The following AKAP13 variants were observed in gnomAD, a reference collection of about 807,000 sequenced individuals.
The protein encoded by AKAP13 is A-kinase anchor protein 13.
A neutral mutation model predicts 264.5 loss-of-function variants in AKAP13; 80 were observed. The observed-to-expected ratio is 0.30, with a 90% CI of 0.25 to 0.36. The LOEUF (loss-of-function observed/expected upper bound fraction) is 0.36. AKAP13 is among the 10% of genes least tolerant of loss of function. The pLI, the probability that AKAP13 is intolerant of heterozygous loss-of-function variation, is 1.00. For synonymous variants in AKAP13, 1,380 were observed against 1,250.2 expected (o/e 1.10, Z -2.19); for missense variants, 3,712 against 3,435.2 (o/e 1.08, Z -2.01).
chr15:85,626,897 C>T (rs1274221650), intron 8 of AKAP13, among the ~76,000 whole-genome samples: 2 of 152,166 alleles, frequency 1.3e-5, no homozygotes, highest in Non-Finnish European at 2.9e-5. Flanking sequence ...TTCAACACAT[C>T]CTCGCCAACA....
chr15:85,420,814 A>T (rs887445986), intron 1 of AKAP13, among the ~76,000 whole-genome samples: 16 of 152,188 alleles, frequency 1.1e-4, no homozygotes, highest in Non-Finnish European at 1.8e-4. Flanking sequence ...AAAAATTTAA[A>T]AGGACTACAT....
At chr15:85,381,185 G>T (rs940914595) in intron 1 of AKAP13, among the ~76,000 whole-genome samples, 2 of 152,116 alleles carry the variant, frequency 1.3e-5, no homozygotes, top group South Asian at 4.1e-4. Context: ...GGCGCCGCCG[G>T]GGCGGGCTCA....
intron 13 of AKAP13, among the ~76,000 whole-genome samples, chr15:85,666,910 A>C (rs538992683): frequency 1.3e-5 from 2 of 152,160 alleles, no homozygotes; most frequent in Non-Finnish European, 2.9e-5. Flanking sequence ...TGAGAATTCA[A>C]ATTATTTGCT....
At chr15:85,484,895 TGTGA>T (rs893772178) in intron 1 of AKAP13, among the ~76,000 whole-genome samples, 3 of 152,204 alleles carry the variant, frequency 2.0e-5, no homozygotes, top group Middle Eastern at 3.2e-3. Context: ...ATTTACCTAT[TGTGA>T]GTAAGAAACT....
chr15:85,398,428 TGTAGAG>T (rs2071227402), intron 1 of AKAP13, among the ~76,000 whole-genome samples: 1 of 152,280 alleles, frequency 6.6e-6, no homozygotes, highest in Non-Finnish European at 1.5e-5. Context: ...CTTGAAAACT[TGTAGAG>T]AGAGAGTGTG....
rs745662922 is a variant in AKAP13, at chr15:85,727,476, G to A, written c.7087+13G>A. The A allele has an allele frequency of 1.9e-6, 3 of 1,613,384 alleles. No homozygotes were observed. The highest frequency in any genetic ancestry group is 1.3e-5 in the African/African-American group (1 of 74,904). The stretch of plus-strand genomic sequence containing the variant: ...CGAGAATTAAAAGGTGAGGCATTGC[G>A]AGTGGTCTGAGCCCCTTGTCTGGAA... On this transcript the variant is annotated intron_variant, in intron 29 of 36. Coordinates refer to ENST00000394518, the MANE Select transcript of AKAP13 (RefSeq NM_007200.5). The surrounding 1 kb of genome is among the most constrained non-coding windows in gnomAD (Gnocchi z 5.3).
intron 26 of AKAP13, 98 bp from the exon 27 acceptor site, chr15:85,726,312 G>A (rs2087613765): frequency 3.4e-6 from 3 of 890,128 alleles, no homozygotes; most frequent in African/African-American, 3.3e-5. Context: ...AGGGGTGTAT[G>A]TGTTGCTGAA....
chr15:85,582,179 T>C (rs1173496854), intron 7 of AKAP13, 72 bp downstream of exon 7: 4 of 1,466,670 alleles, frequency 2.7e-6, no homozygotes, highest in Non-Finnish European at 3.6e-6. Flanking sequence ...GGTGTCCTGG[T>C]AAAAATATAG....
intron 1 of AKAP13, among the ~76,000 whole-genome samples, chr15:85,419,782 A>G (rs1214463996): frequency 6.6e-6 from 1 of 152,146 alleles, no homozygotes; most frequent in African/African-American, 2.4e-5. Flanking sequence ...ATAAATGTCA[A>G]TATCTAAGGA....
chr15:85,442,519 T>G (rs1395207451), intron 1 of AKAP13, among the ~76,000 whole-genome samples: 2 of 109,336 alleles, frequency 1.8e-5, no homozygotes, highest in Non-Finnish European at 3.8e-5. Context: ...ATAATATATA[T>G]TATATTATAT....
chr15:85,400,090 C>T (rs976743945), intron 1 of AKAP13, among the ~76,000 whole-genome samples: 3 of 152,116 alleles, frequency 2.0e-5, no homozygotes, highest in South Asian at 2.1e-4. Context: ...TGAGCCACTG[C>T]GCCTGACTGT....
chr15:85,592,229 A>G (rs1334873094), intron 8 of AKAP13, among the ~76,000 whole-genome samples: 1 of 152,048 alleles, frequency 6.6e-6, no homozygotes, highest in African/African-American at 2.4e-5. Flanking sequence ...ATTATATTTA[A>G]TGGAACACTC....
chr15:85,488,102 C>T (rs2075617169), intron 2 of AKAP13, among the ~76,000 whole-genome samples: 1 of 152,148 alleles, frequency 6.6e-6, no homozygotes, highest in African/African-American at 2.4e-5. Context: ...TCTGACTATG[C>T]TGCCCAGGTT....
At chr15:85,399,496 C>G (rs1410396155) in intron 1 of AKAP13, among the ~76,000 whole-genome samples, 1 of 61,280 alleles carries the variant, frequency 1.6e-5, no homozygotes, top group Non-Finnish European at 2.7e-5. Context: ...GAGCGAGACT[C>G]CGTCTCAAAA....
chr15:85,586,699 G>A (rs2079367493), intron 8 of AKAP13, among the ~76,000 whole-genome samples: 1 of 152,122 alleles, frequency 6.6e-6, no homozygotes, highest in Non-Finnish European at 1.5e-5. Flanking sequence ...GCTGAGGTGG[G>A]TGGATTACCT....
At chr15:85,726,161 T>TA (rs2087604510) in intron 26 of AKAP13, 2 of 418,210 alleles carry the variant, frequency 4.8e-6, no homozygotes, top group Non-Finnish European at 8.6e-6. Context: ...ACTGAGTACT[T>TA]AAACTTTTCC....
chr15:85,574,741 A>G (rs2078951533), intron 5 of AKAP13, among the ~76,000 whole-genome samples: 2 of 152,180 alleles, frequency 1.3e-5, no homozygotes, highest in South Asian at 4.1e-4. Context: ...TGTAGTTAGC[A>G]TATGGTCTAA....
intron 2 of AKAP13, among the ~76,000 whole-genome samples, chr15:85,509,146 G>T (rs2076336069): frequency 6.6e-6 from 1 of 152,140 alleles, no homozygotes; most frequent in Admixed American, 6.5e-5. Context: ...AGTAAGTTTT[G>T]TAATGAATGA....
At chr15:85,552,771 G>A (rs1417687489) in intron 5 of AKAP13, among the ~76,000 whole-genome samples, 1 of 151,944 alleles carries the variant, frequency 6.6e-6, no homozygotes, top group African/African-American at 2.4e-5. Context: ...GGAACTACAG[G>A]CGTGTGCCAC....
Sources: allele counts gnomAD v4.1 joint callset (sites outside exome capture counted in the v4.1 genomes callset), GRCh38; gene constraint gnomAD v4.1.1; non-coding constraint Gnocchi (gnomAD v3.1); transcripts MANE v1.5; gene names NCBI Gene and HGNC (gene_info 2026-07-23, HGNC 2026-07-21).